The following DGKB variants were observed in gnomAD, a reference collection of about 807,000 sequenced individuals.
The protein encoded by DGKB is 90 kDa diacylglycerol kinase.
A neutral mutation model predicts 114.3 loss-of-function variants in DGKB; 67 were observed. That is an observed-to-expected ratio of 0.59 (90% CI 0.48 to 0.72). The LOEUF is 0.72. Ranked by LOEUF, DGKB falls within the 30% of genes least tolerant of loss-of-function variation. DGKB has a pLI of 0.00. For synonymous variants in DGKB, 398 were observed against 323.1 expected (o/e 1.23, Z -2.49); for missense variants, 907 against 975.2 (o/e 0.93, Z 0.93).
At chr7:14,618,690 C>T (rs1807023773) in intron 15 of DGKB, among the ~76,000 whole-genome samples, 1 of 151,520 alleles carries the variant, frequency 6.6e-6, no homozygotes, top group Non-Finnish European at 1.5e-5. Context: ...TAATGAGACT[C>T]ATCCTAAGGT....
At chr7:14,680,722 T>C (rs1007665353) in intron 12 of DGKB, among the ~76,000 whole-genome samples, 1 of 151,868 alleles carries the variant, frequency 6.6e-6, no homozygotes, top group African/African-American at 2.4e-5. Context: ...CTGGAAAGGG[T>C]AGAAGACAGA....
At chr7:14,875,250 A>G (rs1853098163) in intron 1 of DGKB, among the ~76,000 whole-genome samples, 1 of 152,168 alleles carries the variant, frequency 6.6e-6, no homozygotes, top group Non-Finnish European at 1.5e-5. Flanking sequence ...TAAGTTTCAT[A>G]CCTCTATATT....
intron 21 of DGKB, among the ~76,000 whole-genome samples, chr7:14,467,331 T>C (rs1453832665): frequency 6.6e-6 from 1 of 150,960 alleles, no homozygotes; most frequent in Non-Finnish European, 1.5e-5. Flanking sequence ...AATGCATGTG[T>C]GAAATATCTT....
intron 2 of DGKB, among the ~76,000 whole-genome samples, chr7:14,803,170 G>A (rs969193918): frequency 9.2e-5 from 14 of 151,698 alleles, no homozygotes; most frequent in African/African-American, 3.4e-4. Context: ...TTGAACTCCT[G>A]GCCTCAAGCG....
rs934372409 is a variant in DGKB, at chr7:14,509,813, C to T, written c.1771-31588G>A. On this transcript the variant is annotated intron_variant, in intron 20 of 25. Coordinates refer to ENST00000402815, the MANE Select transcript of DGKB (RefSeq NM_001350709.2). ...GGGGTACCTGCTGGGTGGTGTGGGG[C>T]TGGTTTCCCCAACAAATCCAGTAGG... Among the ~76,000 whole-genome samples, 3 of 152,176 alleles carry T rather than the reference C, an allele frequency of 2.0e-5. No individual in the cohort carries two copies. In the East Asian group the frequency reaches 5.8e-4, roughly 29 times the overall value.
At chr7:14,156,487 C>G (rs967257956) in intron 25 of DGKB, among the ~76,000 whole-genome samples, 5 of 152,062 alleles carry the variant, frequency 3.3e-5, no homozygotes, top group Admixed American at 6.6e-5. Context: ...CCAATAAACT[C>G]TATGTCTAAA....
chr7:14,925,994 C>G (rs1784730007), intron 1 of DGKB, among the ~76,000 whole-genome samples: 1 of 152,028 alleles, frequency 6.6e-6, no homozygotes, highest in African/African-American at 2.4e-5. Flanking sequence ...CTTGAACATT[C>G]AGTTTTTCAC....
intron 16 of DGKB, among the ~76,000 whole-genome samples, chr7:14,608,037 G>C (rs1804846975): frequency 6.6e-6 from 1 of 151,860 alleles, no homozygotes; most frequent in Non-Finnish European, 1.5e-5. Flanking sequence ...ACATAAACAA[G>C]ATCTTGACCA....
intron 25 of DGKB, among the ~76,000 whole-genome samples, chr7:14,170,157 GAAAGAAAGAAAGAA>G (rs1562523488): frequency 3.4e-5 from 3 of 87,288 alleles, no homozygotes; most frequent in African/African-American, 1.5e-4. Flanking sequence ...AAGAAAGAAA[GAAAGAAAGAAAGAA>G]AGAAAGAAAG....
At chr7:14,483,518 T>C (rs975867236) in intron 20 of DGKB, among the ~76,000 whole-genome samples, 1 of 152,138 alleles carries the variant, frequency 6.6e-6, no homozygotes, top group African/African-American at 2.4e-5. Context: ...AAGAGGTAAA[T>C]GTATTTTGCA....
At chr7:14,493,978 T>C (rs1417773592) in intron 20 of DGKB, among the ~76,000 whole-genome samples, 1 of 149,174 alleles carries the variant, frequency 6.7e-6, no homozygotes, top group Non-Finnish European at 1.5e-5. Context: ...GTACACATCA[T>C]AGCAATTAAA....
intron 4 of DGKB, among the ~76,000 whole-genome samples, chr7:14,739,056 G>C (rs1050099629): frequency 6.6e-6 from 1 of 152,198 alleles, no homozygotes; most frequent in Admixed American, 6.5e-5. Flanking sequence ...TCTTTACAGA[G>C]CCTTTCAGAA....
At chr7:14,691,580 C>T (rs1383385072) in intron 9 of DGKB, among the ~76,000 whole-genome samples, 1 of 152,124 alleles carries the variant, frequency 6.6e-6, no homozygotes, top group African/African-American at 2.4e-5. Context: ...CCTTAGAATT[C>T]AACAGCTCTT....
intron 8 of DGKB, among the ~76,000 whole-genome samples, chr7:14,697,500 G>A (rs904950981): frequency 2.0e-5 from 3 of 151,960 alleles, no homozygotes; most frequent in Non-Finnish European, 2.9e-5. Flanking sequence ...TAACTTCCAC[G>A]AGGAAGAAAG....
chr7:14,404,812 ACT>A (rs1292249093), intron 21 of DGKB, among the ~76,000 whole-genome samples: 1 of 151,150 alleles, frequency 6.6e-6, no homozygotes, highest in Non-Finnish European at 1.5e-5. Flanking sequence ...GGGAACCTAC[ACT>A]CTCTGCTTTT....
At chr7:14,451,918 G>T (rs1336869928) in intron 21 of DGKB, among the ~76,000 whole-genome samples, 2 of 151,354 alleles carry the variant, frequency 1.3e-5, no homozygotes, top group Non-Finnish European at 2.9e-5. Flanking sequence ...TGCACAGTCA[G>T]ACTTATGATT....
intron 1 of DGKB, among the ~76,000 whole-genome samples, chr7:14,971,589 A>T (rs887237802): frequency 6.6e-6 from 1 of 152,172 alleles, no homozygotes; most frequent in Admixed American, 6.5e-5. Flanking sequence ...TCTGAAACCA[A>T]CTAGGCTTAT....
Position 14,970,608 on chromosome 7 carries a change from A to G in DGKB, c.-188+4088T>C, listed in dbSNP as rs950591136. Among the ~76,000 whole-genome samples, 28 of 152,182 alleles carry G rather than the reference A, an allele frequency of 1.8e-4. 1 individual carries two copies. Among genetic ancestry groups the G allele is most frequent in the Non-Finnish European group, 7.3e-5 (5 of 68,038 alleles). ...AAAAAAACACATAGCATATCCTCAG[A>G]ATGCTCCCGTGTCATCAATCACAAA... On this transcript the variant is annotated intron_variant, in intron 1 of 4. Coordinates refer to the DGKB transcript ENST00000437998.
intron 21 of DGKB, among the ~76,000 whole-genome samples, chr7:14,373,837 CTTTCATTTTTTCATT>C (rs1020007441): frequency 3.9e-5 from 6 of 152,020 alleles, no homozygotes; most frequent in East Asian, 1.9e-4. Flanking sequence ...TGGGCCCGTG[CTTTCATTTTTTCATT>C]TTTCATTTTT....
Sources: allele counts gnomAD v4.1 joint callset (sites outside exome capture counted in the v4.1 genomes callset), GRCh38; gene constraint gnomAD v4.1.1; transcripts MANE v1.5; gene names NCBI Gene and HGNC (gene_info 2026-07-23, HGNC 2026-07-21).